The following SPOCK3 variants were observed in gnomAD, a reference collection of about 807,000 sequenced individuals.
SPOCK3 encodes the protein SPARC (osteonectin), cwcv and kazal like domains proteoglycan 3.
Under a neutral mutation model 56.6 loss-of-function variants are expected in SPOCK3, and 30 were observed. The ratio of observed to expected loss-of-function variants is 0.53; its 90% CI spans 0.40 to 0.72. The LOEUF is 0.72. SPOCK3 is among the 30% of genes least tolerant of loss of function. SPOCK3 has a pLI of 0.00. For synonymous variants in SPOCK3, 196 were observed against 183.3 expected, an observed-to-expected ratio of 1.07 and a Z score of -0.56; for missense variants, 527 against 530.0, an observed-to-expected ratio of 0.99 and a Z score of 0.06.
At chr4:166,736,376 A>C (rs1283342266) in intron 10 of SPOCK3, among the ~76,000 whole-genome samples, 2 of 152,172 alleles carry the variant, frequency 1.3e-5, no homozygotes, top group East Asian at 3.8e-4. Context: ...AGCACACATT[A>C]CAAAGATGTG....
chr4:167,053,807 A>T (rs1754480599), intron 3 of SPOCK3, among the ~76,000 whole-genome samples: 1 of 152,186 alleles, frequency 6.6e-6, no homozygotes, highest in African/African-American at 2.4e-5. Flanking sequence ...GCACACAATG[A>T]AACCACTGAG....
At chr4:167,134,759 T>C (rs1405799808) in intron 2 of SPOCK3, among the ~76,000 whole-genome samples, 1 of 152,126 alleles carries the variant, frequency 6.6e-6, no homozygotes, top group Non-Finnish European at 1.5e-5. Context: ...GTCCTTCAGT[T>C]GTTATTATAT....
intron 2 of SPOCK3, among the ~76,000 whole-genome samples, chr4:167,135,063 C>T (rs571158386): frequency 8.7e-5 from 13 of 150,034 alleles, no homozygotes; most frequent in African/African-American, 2.4e-4. Context: ...GGCTCAAACA[C>T]ATATAAATAT....
At chr4:166,962,435 T>G (rs1047616116) in intron 4 of SPOCK3, among the ~76,000 whole-genome samples, 19 of 152,094 alleles carry the variant, frequency 1.2e-4, no homozygotes, top group African/African-American at 4.3e-4. Context: ...TTGTGAGTAA[T>G]AAACCATCAT....
In SPOCK3 at chr4:166,988,612, C is replaced by A. The variant is rs535365806; in HGVS notation, c.350+11737G>T. The stretch of plus-strand genomic sequence containing the variant: ...TAGTAACAAATAAACAGCTGTGTGA[C>A]TCTGGACAAGTCAGTTCACAGGCAA... On this transcript the variant is annotated intron_variant, in intron 4 of 10. Transcript: ENST00000357545. 3.9e-5 allele frequency among the ~76,000 whole-genome samples: 6 copies of A among 152,148 alleles called. No individual in the cohort carries two copies. In the East Asian group the frequency reaches 9.7e-4, roughly 25 times the overall value.
At position 167,052,235 on chromosome 4, in the gene SPOCK3, T is replaced by C. The variant is rs1754294636; in HGVS notation, c.235+10257A>G. On this transcript the variant is annotated intron_variant, in intron 3 of 10. Coordinates refer to ENST00000357545, the MANE Select transcript of SPOCK3 (RefSeq NM_001040159.2). ...AAGAAGTAAGAATTGGATAATGAAA[T>C]AAATTTCTCATTTAGAAGCCCTATG... is the stretch of plus-strand genomic sequence containing the variant. 3.3e-5 allele frequency among the ~76,000 whole-genome samples: 5 copies of C among 152,306 alleles called. No homozygotes were observed. In the South Asian group the frequency reaches 1.0e-3, roughly 32 times the overall value.
chr4:167,019,182 C>A (rs1750932976), intron 3 of SPOCK3, among the ~76,000 whole-genome samples: 1 of 152,080 alleles, frequency 6.6e-6, no homozygotes. Context: ...TCTCTTTGCA[C>A]TATCCAACTA....
rs1369823225 is a variant in SPOCK3, at chr4:167,072,647, TAA to T, written c.190-10112_190-10111del. Among the ~76,000 whole-genome samples the T allele has an allele frequency of 2.6e-5, 4 of 151,972 alleles. No homozygotes were observed. In the East Asian group the frequency reaches 7.8e-4, roughly 29 times the overall value. ...TTTGCATAATTCTATTCTCAAATCT[TAA>T]TGTCTCCAAATTTTCTAAGTACTTT... On this transcript the variant is annotated intron_variant, in intron 2 of 10. Coordinates refer to ENST00000357545, the MANE Select transcript of SPOCK3 (RefSeq NM_001040159.2).
rs75754634 is a variant in SPOCK3, at chr4:167,066,086, A to G, written c.190-3549T>C. On this transcript the variant is annotated intron_variant, in intron 2 of 10. Transcript: ENST00000357545. ...ATAAGTTTTCCACAAAATAAAGTCT[A>G]CATAAAAATTGGGTTTATGTGTTTT... Among the ~76,000 whole-genome samples the G allele has an allele frequency of 1.1e-3, 165 of 152,060 alleles. 5 individuals are homozygous for G. The East Asian group carries it at 0.03, about 28-fold the overall frequency.
intron 5 of SPOCK3, among the ~76,000 whole-genome samples, chr4:166,904,170 C>T (rs1736363137): frequency 6.6e-6 from 1 of 151,668 alleles, no homozygotes; most frequent in Admixed American, 6.6e-5. Flanking sequence ...CTAGTTCTAT[C>T]CCCGATGAAC....
intron 3 of SPOCK3, among the ~76,000 whole-genome samples, chr4:167,052,765 T>TA: frequency 6.6e-6 from 1 of 152,000 alleles, no homozygotes; most frequent in East Asian, 1.9e-4. Flanking sequence ...TCTGAAAGCA[T>TA]AAAAAATAAA....
intron 2 of SPOCK3, among the ~76,000 whole-genome samples, chr4:167,205,149 ATTT>A (rs1733918658): frequency 9.0e-6 from 1 of 110,830 alleles, no homozygotes; most frequent in Admixed American, 1.4e-4. Context: ...ATATATATAT[ATTT>A]TATATATATA....
intron 7 of SPOCK3, among the ~76,000 whole-genome samples, chr4:166,767,969 T>G: frequency 6.6e-6 from 1 of 152,160 alleles, no homozygotes; most frequent in East Asian, 1.9e-4. Flanking sequence ...CTTTTGATCT[T>G]TGTTGGTTTA....
rs138357761 is a variant in SPOCK3 at position 166,754,647 on chromosome 4, T to C, written c.792A>G (p.Leu264=). The change falls in exon 8 of 11, where the codon CTA becomes CTG. Residue 264 remains leucine (L), a synonymous_variant. Transcript: ENST00000357545. ...TGCTTCTGAGCTCTGACTGGTCCAA[T>C]AGCAGGTCATAGTTTGTATCAAGTC... The part of the protein sequence containing the change: ...FNRLDTNYDL[L]LDQSELRSIY... The C allele has an allele frequency of 1.4e-5, 23 of 1,613,582 alleles. No homozygotes were observed. The African/African-American group carries it at 1.7e-4, about 12-fold the overall frequency.
rs1161775162 is a variant in SPOCK3, at chr4:167,190,758, C to T, written c.189+43227G>A. Among the ~76,000 whole-genome samples, 4 of 145,640 alleles carry T rather than the reference C, an allele frequency of 2.7e-5. 1 individual carries two copies. Among genetic ancestry groups the T allele is most frequent in the Non-Finnish European group, 3.0e-5 (2 of 66,652 alleles). Reference sequence around the variant, plus strand: ...TTGACTGTTTCAGATTTTACTTTTACGTCTTTAATCCATTTTAAGTTAAAT... The same window carrying T: ...TTGACTGTTTCAGATTTTACTTTTATGTCTTTAATCCATTTTAAGTTAAAT... On this transcript the variant is annotated intron_variant, in intron 2 of 10. Transcript: ENST00000357545.
chr4:166,814,142 C>T (rs1035333519), intron 6 of SPOCK3, among the ~76,000 whole-genome samples: 5 of 152,080 alleles, frequency 3.3e-5, no homozygotes, highest in Non-Finnish European at 4.4e-5. Context: ...TATGAAAATG[C>T]TCCTGCTCAT....
At chr4:166,883,119 C>T (rs981229028) in intron 6 of SPOCK3, 12 of 152,072 alleles carry the variant, frequency 7.9e-5, no homozygotes, top group Non-Finnish European at 1.8e-4. Context: ...CAAAATTAAA[C>T]GTTAAAACTA....
At chr4:166,921,315 T>C (rs1374792360) in intron 4 of SPOCK3, among the ~76,000 whole-genome samples, 3 of 151,636 alleles carry the variant, frequency 2.0e-5, no homozygotes, top group Admixed American at 2.0e-4. Flanking sequence ...CTTTCAAACA[T>C]GTGTTGAATT....
chr4:166,968,251 G>A (rs751483822), intron 4 of SPOCK3, among the ~76,000 whole-genome samples: 1 of 152,186 alleles, frequency 6.6e-6, no homozygotes, highest in Admixed American at 6.5e-5. Flanking sequence ...TGGTAGAAAA[G>A]AAAAACTCAT....
Sources: allele counts gnomAD v4.1 joint callset (sites outside exome capture counted in the v4.1 genomes callset), GRCh38; gene constraint gnomAD v4.1.1; transcripts MANE v1.5; gene names NCBI Gene and HGNC (gene_info 2026-07-23, HGNC 2026-07-21).